COL4A4: variants seen among roughly 807,000 people sequenced by gnomAD.
The protein encoded by COL4A4 is collagen type IV alpha 4 chain, also known as collagen alpha-4(IV) chain.
COL4A4 carries 105 observed loss-of-function variants against 192.9 expected under a neutral mutation model. The ratio of observed to expected loss-of-function variants is 0.54; its 90% confidence interval spans 0.46 to 0.64. The LOEUF (loss-of-function observed/expected upper bound fraction) is 0.64, where lower values mean the gene tolerates loss of function less well. Among genes scored for constraint, COL4A4 ranks in the 30% least tolerant of loss-of-function variants. COL4A4 has a pLI of 0.00. For synonymous variants in COL4A4, 762 were observed against 769.9 expected (o/e 0.99, Z 0.17); for missense variants, 1,967 against 2,169.3 (o/e 0.91, Z 1.85).
At chr2:226,973,521 C>T in the COL4A4 span, among the ~76,000 whole-genome samples, 1 of 152,232 alleles carries the variant, frequency 6.6e-6, no homozygotes, top group Non-Finnish European at 1.5e-5. Context: ...GAGCAAAGCT[C>T]TACTGCCTTA....
Position 227,003,050 on chromosome 2 carries a change from G to A in COL4A4, c.*4275C>T, listed in dbSNP as rs1189668223. On this transcript the variant is annotated 3_prime_UTR_variant, in exon 48 of 48. Transcript: ENST00000396625. ...TACTGATTTTTAATGTCAATTGTTTGTTCCCTGCAGAACTTACTGATAATG... is the reference window on the plus strand; with the variant it reads ...TACTGATTTTTAATGTCAATTGTTTATTCCCTGCAGAACTTACTGATAATG... The A allele has an allele frequency of 1.3e-5, 2 of 152,528 alleles. No individual in the cohort carries two copies. Among genetic ancestry groups the A allele is most frequent in the African/African-American group, 2.4e-5 (1 of 41,426 alleles). The allele number at this position is 152,528 out of a possible 1,614,324, so 9.4% of individuals were successfully genotyped here. A position where few individuals can be genotyped will look rare whatever the true frequency, so the allele number is the denominator to read the frequency against.
intron 4 of COL4A4, among the ~76,000 whole-genome samples, chr2:227,124,265 G>A (rs2061963819): frequency 6.6e-6 from 1 of 152,136 alleles, no homozygotes; most frequent in Admixed American, 6.5e-5. Flanking sequence ...TATGAGGTTG[G>A]TGCAAAAGTA....
intron 25 of COL4A4, among the ~76,000 whole-genome samples, chr2:227,068,850 T>G (rs929216791): frequency 6.7e-6 from 1 of 148,808 alleles, no homozygotes; most frequent in Non-Finnish European, 1.5e-5. Context: ...CAACATAGTG[T>G]TGGAAGTTCT....
rs4476340 is a variant in COL4A4 at position 227,111,397 on chromosome 2, G to A, written c.594+281C>T. ...GCTGCATATACCTGAGTAATGTCAC[G>A]AGATCATTAGAAGACAGAAGAGGAA... On this transcript the variant is annotated intron_variant, in intron 9 of 47. Coordinates refer to ENST00000396625, the MANE Select transcript of COL4A4 (RefSeq NM_000092.5). Among the ~76,000 whole-genome samples, 30,201 of 151,914 alleles carry A rather than the reference G, an allele frequency of 0.2. 4,865 individuals are homozygous for A. Among genetic ancestry groups the A allele is most frequent in the African/African-American group, 0.44 (18,221 of 41,344 alleles).
At chr2:227,065,056 G>C (rs933491917) in intron 25 of COL4A4, among the ~76,000 whole-genome samples, 1 of 152,228 alleles carries the variant, frequency 6.6e-6, no homozygotes, top group African/African-American at 2.4e-5. Flanking sequence ...GAAGCAGGGC[G>C]AGGCATTGCC....
chr2:226,991,336 C>T, the COL4A4 span, among the ~76,000 whole-genome samples: 1 of 152,140 alleles, frequency 6.6e-6, no homozygotes, highest in African/African-American at 2.4e-5. Context: ...CCCAAGCCAC[C>T]ACACCCAGCT....
chr2:227,152,957 T>C (rs1048984209), intron 1 of COL4A4, among the ~76,000 whole-genome samples: 1 of 152,104 alleles, frequency 6.6e-6, no homozygotes, highest in African/African-American at 2.4e-5. Flanking sequence ...GGGTAATTTG[T>C]AAAGGAAAGG....
At chr2:227,161,558 AGGTGAG>A in intron 1 of COL4A4, among the ~76,000 whole-genome samples, 1 of 152,208 alleles carries the variant, frequency 6.6e-6, no homozygotes, top group Admixed American at 6.5e-5. Flanking sequence ...TTTGTTTGAC[AGGTGAG>A]CCTGTCAAAC....
intron 9 of COL4A4, among the ~76,000 whole-genome samples, chr2:227,110,371 T>C (rs1448515619): frequency 1.3e-5 from 2 of 152,178 alleles, no homozygotes; most frequent in Admixed American, 6.6e-5. Flanking sequence ...AGCCAGAAGT[T>C]ACAGGGCAAA....
chr2:227,082,238 G>T, intron 22 of COL4A4, 51 bp from the exon 23 acceptor site: 1 of 1,363,632 alleles, frequency 7.3e-7, no homozygotes, highest in Non-Finnish European at 1.1e-6. Context: ...TGGATCAACA[G>T]TTACATCTGT....
the COL4A4 span, among the ~76,000 whole-genome samples, chr2:226,977,819 T>G: frequency 6.6e-6 from 1 of 152,220 alleles, no homozygotes. Context: ...AGTCTTGTCT[T>G]TGGAATGTAA....
At chr2:227,118,199 T>A (rs1429282652) in intron 7 of COL4A4, among the ~76,000 whole-genome samples, 1 of 152,172 alleles carries the variant, frequency 6.6e-6, no homozygotes, top group African/African-American at 2.4e-5. Context: ...CCAACTATTA[T>A]AATAAGTGCC....
the COL4A4 span, among the ~76,000 whole-genome samples, chr2:226,984,169 GCCAGCACCTGCTGAACTA>G: frequency 6.6e-6 from 1 of 152,258 alleles, no homozygotes; most frequent in South Asian, 2.1e-4. Context: ...AGCTGTGACA[GCCAGCACCTGCTGAACTA>G]CCAGTTGCCA....
chr2:227,102,216 A>G (rs1328468500), intron 15 of COL4A4, among the ~76,000 whole-genome samples: 1 of 152,240 alleles, frequency 6.6e-6, no homozygotes, highest in Admixed American at 6.5e-5. Context: ...TGGGCCAAAT[A>G]TCTTTAAAAT....
At chr2:227,063,784 C>T (rs1002536687) in intron 25 of COL4A4, among the ~76,000 whole-genome samples, 1 of 151,354 alleles carries the variant, frequency 6.6e-6, no homozygotes, top group African/African-American at 2.4e-5. Flanking sequence ...ATAGTATTAT[C>T]TCAAAAGACT....
chr2:227,016,600 G>A (rs768516901), intron 44 of COL4A4, among the ~76,000 whole-genome samples: 31 of 152,276 alleles, frequency 2.0e-4, no homozygotes, highest in Non-Finnish European at 4.3e-4. Flanking sequence ...TAATGAGGTA[G>A]ATGTCTCACT....
At chr2:227,071,597 C>A (rs1307144364) in intron 25 of COL4A4, among the ~76,000 whole-genome samples, 1 of 152,116 alleles carries the variant, frequency 6.6e-6, no homozygotes, top group East Asian at 1.9e-4. Flanking sequence ...GCAGGATATA[C>A]ATTCTTCTCA....
intron 12 of COL4A4, among the ~76,000 whole-genome samples, chr2:227,106,006 T>G (rs184759478): frequency 2.6e-5 from 4 of 152,000 alleles, no homozygotes; most frequent in African/African-American, 9.7e-5. Context: ...TACTAATGCT[T>G]TTGATAGGTG....
Position 227,007,347 on chromosome 2 carries a change from T to TGG in COL4A4, c.5049_5050dup (p.Gln1684ProfsTer5). 1 of 1,614,266 alleles carries TGG rather than the reference T, an allele frequency of 6.2e-7. No individual in the cohort carries two copies. Among genetic ancestry groups the TGG allele is most frequent in the African/African-American group, 1.3e-5 (1 of 75,070 alleles). On this transcript the variant is annotated frameshift_variant, in exon 48 of 48. Coordinates refer to ENST00000396625, the MANE Select transcript of COL4A4 (RefSeq NM_000092.5). LOFTEE classifies it high-confidence loss of function. ...TCTCTAGCTATACTTCACGCAGACC[T>TGG]GGCACCGGCTGATTTTCTGGCGTTG...
Sources: allele counts gnomAD v4.1 joint callset (sites outside exome capture counted in the v4.1 genomes callset), GRCh38; gene constraint gnomAD v4.1.1; transcripts MANE v1.5; gene names NCBI Gene and HGNC (gene_info 2026-07-23, HGNC 2026-07-21).